Variants in PDE4D observed in about 807,000 individuals in gnomAD.
PDE4D encodes phosphodiesterase 4D.
Under a neutral mutation model 87.4 loss-of-function variants are expected in PDE4D, and 24 were observed. The observed-to-expected ratio is 0.27, with a 90% CI of 0.20 to 0.39. PDE4D has a LOEUF of 0.39. PDE4D is among the 10% of genes least tolerant of loss of function. The pLI is 1.00. For synonymous variants in PDE4D, 384 were observed against 383.2 expected (o/e 1.00, Z -0.02); for missense variants, 714 against 1,041.0 (o/e 0.69, Z 4.32).
chr5:59,893,468 T>C lies in PDE4D; in HGVS notation c.155A>G (p.His52Arg). 1.3e-6 allele frequency: 2 copies of C among 1,533,600 alleles called. No homozygotes were observed. Among genetic ancestry groups the C allele is most frequent in the Non-Finnish European group, 8.8e-7 (1 of 1,139,146 alleles). 95.0% of individuals were successfully genotyped at this position (1,533,600 alleles called of 1,614,324 possible). ...CGGCGGGGGCAGGTGGTGATGGGGA[T>C]GCAGGAGGCGGAACTGGGGCTGCCG... Reference protein sequence around the residue: ...PLRQPQFRLLHPHHHLPPPPP... With the variant: ...PLRQPQFRLLRPHHHLPPPPP... Residue 52 changes from histidine to arginine, a missense_variant, in exon 1 of 15, where the codon CAT becomes CGT. His to Arg is a conservative substitution (Grantham distance 29, BLOSUM62 0). Transcript: ENST00000340635.
intron 1 of PDE4D, among the ~76,000 whole-genome samples, chr5:59,525,083 G>C (rs1044891854): frequency 1.3e-5 from 2 of 152,214 alleles, no homozygotes. Flanking sequence ...GCATAGTGGA[G>C]CTGTGAGAAG....
rs1190275414 is a variant in PDE4D, at chr5:60,454,146, T to C, written c.-90+33796A>G. ...ATCAAAACTGCGACAACTCTGAAAC[T>C]GTATGACTCTCTAGCTCTTTGACTT... On this transcript the variant is annotated intron_variant, in intron 1 of 16. Transcript: ENST00000502484. Among the ~76,000 whole-genome samples, 6 of 152,256 alleles carry C rather than the reference T, an allele frequency of 3.9e-5. No individual in the cohort carries two copies. In the South Asian group the frequency reaches 6.2e-4, roughly 16 times the overall value.
intron 3 of PDE4D, among the ~76,000 whole-genome samples, chr5:59,970,189 T>A (rs1211432886): frequency 6.6e-6 from 1 of 152,218 alleles, no homozygotes; most frequent in Non-Finnish European, 1.5e-5. Context: ...ACAGCAGAGT[T>A]AATTTTCCTT....
chr5:59,147,409 AC>A (rs960118561), intron 5 of PDE4D, among the ~76,000 whole-genome samples: 4 of 152,296 alleles, frequency 2.6e-5, no homozygotes, highest in African/African-American at 9.6e-5. Context: ...TTTAAAAAAA[AC>A]CTCAAACATT....
At chr5:60,214,583 A>G (rs1207032388) in intron 1 of PDE4D, among the ~76,000 whole-genome samples, 1 of 152,172 alleles carries the variant, frequency 6.6e-6, no homozygotes, top group Admixed American at 6.5e-5. Flanking sequence ...ATTAAAGATT[A>G]CTTGTTAGGG....
At chr5:58,986,500 G>A (rs545538331) in intron 11 of PDE4D, among the ~76,000 whole-genome samples, 2 of 152,254 alleles carry the variant, frequency 1.3e-5, no homozygotes, top group South Asian at 2.1e-4. Flanking sequence ...AGGCAAGCCC[G>A]CATCAGTACT....
intron 1 of PDE4D, among the ~76,000 whole-genome samples, chr5:60,450,996 G>C (rs1262900422): frequency 1.3e-5 from 2 of 152,008 alleles, no homozygotes; most frequent in South Asian, 2.1e-4. Context: ...CATAGAAGAT[G>C]GGTCAAAAAT....
chr5:60,203,438 G>A (rs1293921922), intron 1 of PDE4D, among the ~76,000 whole-genome samples: 1 of 152,186 alleles, frequency 6.6e-6, no homozygotes, highest in Non-Finnish European at 1.5e-5. Flanking sequence ...TATGTAGAGT[G>A]TGATCCCATT....
intron 5 of PDE4D, among the ~76,000 whole-genome samples, chr5:59,077,469 T>C (rs142063532): frequency 0.014 from 1,851 of 135,014 alleles, 30 homozygotes; most frequent in East Asian, 0.054. Context: ...TGATTTTTTT[T>C]TTCTTCTTTT....
chr5:58,988,644 T>G (rs1561244627), intron 10 of PDE4D, 52 bp from the exon 11 acceptor site: 4 of 747,130 alleles, frequency 5.4e-6, no homozygotes. Flanking sequence ...TGATATGAAT[T>G]AAAAGTATAA....
chr5:60,039,736 T>C (rs1198512537), intron 2 of PDE4D, among the ~76,000 whole-genome samples: 2 of 152,168 alleles, frequency 1.3e-5, no homozygotes, highest in East Asian at 1.9e-4. Flanking sequence ...CAATTTCTGA[T>C]ATTCAAGATG....
chr5:59,745,052 C>G (rs1235450577), intron 1 of PDE4D, among the ~76,000 whole-genome samples: 1 of 152,118 alleles, frequency 6.6e-6, no homozygotes, highest in African/African-American at 2.4e-5. Flanking sequence ...CTGAATTTTG[C>G]ACAGGTAAAA....
intron 5 of PDE4D, among the ~76,000 whole-genome samples, chr5:59,044,457 T>C (rs981546955): frequency 6.6e-6 from 1 of 152,258 alleles, no homozygotes; most frequent in Non-Finnish European, 1.5e-5. Flanking sequence ...AAGGAATTGA[T>C]ACTGTCTACA....
At chr5:60,283,111 T>A (rs895448903) in intron 1 of PDE4D, among the ~76,000 whole-genome samples, 4 of 152,148 alleles carry the variant, frequency 2.6e-5, no homozygotes, top group Admixed American at 1.3e-4. Context: ...GTGGTAAAAT[T>A]TCTGACTATA....
intron 2 of PDE4D, among the ~76,000 whole-genome samples, chr5:60,011,200 G>A (rs1208842395): frequency 2.6e-5 from 4 of 152,138 alleles, no homozygotes; most frequent in Admixed American, 2.0e-4. Context: ...AAAAGAACAT[G>A]GACAGCTCCT....
intron 1 of PDE4D, among the ~76,000 whole-genome samples, chr5:60,465,316 G>C (rs1429695868): frequency 6.6e-6 from 1 of 152,004 alleles, no homozygotes; most frequent in African/African-American, 2.4e-5. Context: ...ATTTTCCTAA[G>C]TTAGTTTAAA....
intron 1 of PDE4D, among the ~76,000 whole-genome samples, chr5:59,466,348 C>T (rs1211328186): frequency 2.0e-5 from 3 of 152,210 alleles, no homozygotes; most frequent in African/African-American, 4.8e-5. Context: ...TTTCCCCCTC[C>T]AAAAACCTGC....
intron 1 of PDE4D, among the ~76,000 whole-genome samples, chr5:59,677,296 C>T (rs962483681): frequency 1.3e-5 from 2 of 152,090 alleles, no homozygotes; most frequent in South Asian, 2.1e-4. Context: ...TTAATTTATA[C>T]GCCATCCATA....
At chr5:60,104,076 C>T (rs570191012) in intron 2 of PDE4D, among the ~76,000 whole-genome samples, 13 of 152,302 alleles carry the variant, frequency 8.5e-5, no homozygotes, top group African/African-American at 1.2e-4. Flanking sequence ...ACTTGGGAAG[C>T]GCAAGGGGTC....
Sources: allele counts gnomAD v4.1 joint callset (sites outside exome capture counted in the v4.1 genomes callset), GRCh38; gene constraint gnomAD v4.1.1; transcripts MANE v1.5; gene names NCBI Gene and HGNC (gene_info 2026-07-23, HGNC 2026-07-21).